Variants in MDGA2 observed in about 807,000 individuals in gnomAD.
The protein encoded by MDGA2 is MAM domain-containing glycosylphosphatidylinositol anchor protein 2.
Under a neutral mutation model 117.8 loss-of-function variants are expected in MDGA2, and 40 were observed. The ratio of observed to expected loss-of-function variants is 0.34; its 90% CI spans 0.26 to 0.44. MDGA2 has a LOEUF of 0.44. MDGA2 is among the 20% of genes least tolerant of loss of function. The probability of loss-of-function intolerance (pLI) is 1.00; values close to 1 mark genes in which losing one functional copy is unlikely to be tolerated. For missense variants in MDGA2, 1,123 were observed against 1,250.6 expected, an observed-to-expected ratio of 0.90 and a Z score of 1.54; for synonymous variants, 452 against 439.0, an observed-to-expected ratio of 1.03 and a Z score of -0.37.
intron 1 of MDGA2, among the ~76,000 whole-genome samples, chr14:47,315,152 C>G (rs974803720): frequency 6.6e-6 from 1 of 152,096 alleles, no homozygotes; most frequent in African/African-American, 2.4e-5. Context: ...AAGCTAAGCT[C>G]TATCTCCCTG....
intron 2 of MDGA2, among the ~76,000 whole-genome samples, chr14:47,300,478 T>C (rs1220087290): frequency 6.8e-6 from 1 of 148,062 alleles, no homozygotes; most frequent in Non-Finnish European, 1.5e-5. Context: ...ACAAATTTTT[T>C]ATTCTTTTTT....
At chr14:47,253,891 T>C (rs768988807) in intron 2 of MDGA2, among the ~76,000 whole-genome samples, 1 of 152,222 alleles carries the variant, frequency 6.6e-6, no homozygotes. Context: ...TAGGCAGAGG[T>C]TGCCAAACTT....
intron 3 of MDGA2, among the ~76,000 whole-genome samples, chr14:47,181,939 A>T (rs1000177375): frequency 6.6e-5 from 10 of 152,196 alleles, no homozygotes; most frequent in African/African-American, 2.4e-4. Flanking sequence ...TTATATTAAA[A>T]AGTTGAAACT....
intron 1 of MDGA2, among the ~76,000 whole-genome samples, chr14:47,375,503 C>T (rs1891457158): frequency 6.6e-6 from 1 of 152,068 alleles, no homozygotes; most frequent in South Asian, 2.1e-4. Flanking sequence ...AAATAACTTG[C>T]TTTCCCTAAA....
intron 8 of MDGA2, among the ~76,000 whole-genome samples, chr14:46,979,460 T>C (rs1040508740): frequency 6.6e-6 from 1 of 152,180 alleles, no homozygotes; most frequent in African/African-American, 2.4e-5. Flanking sequence ...GGAAATCATA[T>C]TGAAAGCTGA....
intron 1 of MDGA2, among the ~76,000 whole-genome samples, chr14:47,396,063 T>G (rs1234836078): frequency 6.6e-6 from 1 of 152,212 alleles, no homozygotes; most frequent in Non-Finnish European, 1.5e-5. Flanking sequence ...AATAGTAGAC[T>G]GTGCACTAAT....
At chr14:47,455,421 G>T in intron 1 of MDGA2, among the ~76,000 whole-genome samples, 1 of 152,100 alleles carries the variant, frequency 6.6e-6, no homozygotes, top group East Asian at 1.9e-4. Context: ...CACAAGAATT[G>T]CTTGAACCCA....
chr14:47,244,882 G>A (rs1425405192), intron 2 of MDGA2, among the ~76,000 whole-genome samples: 4 of 151,714 alleles, frequency 2.6e-5, no homozygotes, highest in Admixed American at 6.6e-5. Context: ...CCATCCCTAA[G>A]ACAGCAAGAC....
chr14:47,335,324 T>C (rs1192626516), intron 1 of MDGA2, among the ~76,000 whole-genome samples: 2 of 141,782 alleles, frequency 1.4e-5, no homozygotes, highest in Non-Finnish European at 3.0e-5. Context: ...GGTTGAGGGG[T>C]TGCAATTTTA....
Position 46,969,160 on chromosome 14 carries a change from T to C in MDGA2, c.1820-11517A>G, listed in dbSNP as rs969732873. ...AATCCAGTCTATCATTGTTGGACAT[T>C]TGGGTTGGTTCCAAGTCTTTGCTAT... is the stretch of plus-strand genomic sequence containing the variant. On this transcript the variant is annotated intron_variant, in intron 8 of 16. Coordinates refer to ENST00000399232, the MANE Select transcript of MDGA2 (RefSeq NM_001113498.3). Among the ~76,000 whole-genome samples the C allele has an allele frequency of 7.2e-5, 11 of 152,280 alleles. No individual in the cohort carries two copies. In the East Asian group the frequency reaches 1.2e-3, roughly 16 times the overall value.
At chr14:47,227,546 C>T (rs544197401) in intron 2 of MDGA2, among the ~76,000 whole-genome samples, 12 of 152,156 alleles carry the variant, frequency 7.9e-5, no homozygotes, top group African/African-American at 2.4e-4. Context: ...AAGAATCAGT[C>T]TTAAAATATA....
At chr14:47,164,115 A>C (rs1335560924) in intron 3 of MDGA2, among the ~76,000 whole-genome samples, 1 of 152,236 alleles carries the variant, frequency 6.6e-6, no homozygotes, top group Non-Finnish European at 1.5e-5. Flanking sequence ...AATTTAAATC[A>C]GCCAATTTTG....
chr14:46,993,957 A>G (rs1887191533), intron 8 of MDGA2, among the ~76,000 whole-genome samples: 1 of 152,138 alleles, frequency 6.6e-6, no homozygotes, highest in Non-Finnish European at 1.5e-5. Context: ...ACACCCAACA[A>G]TCTTAGGTTG....
intron 1 of MDGA2, among the ~76,000 whole-genome samples, chr14:47,422,189 T>C (rs1892593972): frequency 6.6e-6 from 1 of 152,216 alleles, no homozygotes; most frequent in Admixed American, 6.5e-5. Context: ...GTAATAGCAA[T>C]ACATTAAATA....
At chr14:47,163,408 G>A (rs993608950) in intron 3 of MDGA2, among the ~76,000 whole-genome samples, 21 of 152,238 alleles carry the variant, frequency 1.4e-4, no homozygotes, top group Middle Eastern at 3.4e-3. Flanking sequence ...GAATCATGAT[G>A]GTGGGTTGTG....
intron 1 of MDGA2, among the ~76,000 whole-genome samples, chr14:47,614,263 TA>T (rs1450127023): frequency 6.6e-6 from 1 of 152,012 alleles, no homozygotes; most frequent in African/African-American, 2.4e-5. Context: ...CTAATTTTTT[TA>T]TTTTTTGAAG....
chr14:47,173,079 C>A (rs529721425), intron 3 of MDGA2, among the ~76,000 whole-genome samples: 1 of 151,778 alleles, frequency 6.6e-6, no homozygotes, highest in Non-Finnish European at 1.5e-5. Flanking sequence ...TGAAATGAAG[C>A]GAGAAGGGAA....
chr14:47,217,513 C>G (rs933323675), intron 3 of MDGA2, among the ~76,000 whole-genome samples: 2 of 151,936 alleles, frequency 1.3e-5, no homozygotes, highest in African/African-American at 4.8e-5. Flanking sequence ...TTACTTTTAA[C>G]AGAATTGGAC....
intron 2 of MDGA2, among the ~76,000 whole-genome samples, chr14:47,226,607 C>T (rs1032496583): frequency 2.6e-5 from 4 of 152,104 alleles, no homozygotes; most frequent in Non-Finnish European, 5.9e-5. Flanking sequence ...GGCACTATTT[C>T]ACACTAGAGG....
Sources: gnomAD v4.1 joint callset for allele counts (sites outside exome capture counted in the v4.1 genomes callset) on GRCh38, gnomAD v4.1.1 for gene constraint, MANE v1.5 for transcripts, NCBI Gene and HGNC (gene_info 2026-07-23, HGNC 2026-07-21) for gene names.